Variants in ANKIB1 observed in about 807,000 individuals in gnomAD.
The protein encoded by ANKIB1 is ankyrin repeat and IBR domain-containing protein 1.
ANKIB1 carries 43 observed loss-of-function variants against 122.1 expected under a neutral mutation model. The observed-to-expected ratio is 0.35, with a 90% CI of 0.28 to 0.45. ANKIB1 has a LOEUF of 0.45. ANKIB1 is among the 20% of genes least tolerant of loss of function. ANKIB1 has a pLI of 1.00. For missense variants in ANKIB1, 992 were observed against 1,329.5 expected (o/e 0.75, Z 3.95); for synonymous variants, 390 against 442.0 (o/e 0.88, Z 1.48).
intron 17 of ANKIB1, among the ~76,000 whole-genome samples, chr7:92,392,763 T>C (rs1373985039): frequency 1.3e-5 from 2 of 152,126 alleles, no homozygotes; most frequent in Admixed American, 1.3e-4. Context: ...AATGCTTTGC[T>C]TAGTTGCTTT....
intron 1 of ANKIB1, among the ~76,000 whole-genome samples, chr7:92,289,892 C>G (rs1802211445): frequency 6.6e-6 from 1 of 152,242 alleles, no homozygotes; most frequent in African/African-American, 2.4e-5. Context: ...TCTCGGCTCA[C>G]TGCAACTTCC....
chr7:92,284,404 C>G (rs975922909), intron 1 of ANKIB1, among the ~76,000 whole-genome samples: 2 of 152,132 alleles, frequency 1.3e-5, no homozygotes, highest in African/African-American at 4.8e-5. Context: ...TCAGATTCAG[C>G]CTTTTTATCT....
chr7:92,249,048 C>T (rs781252411), intron 1 of ANKIB1, among the ~76,000 whole-genome samples: 5 of 151,916 alleles, frequency 3.3e-5, no homozygotes, highest in East Asian at 1.9e-4. Context: ...CCACCACACC[C>T]GGCTAATTTT....
intron 11 of ANKIB1, among the ~76,000 whole-genome samples, chr7:92,381,607 A>T (rs902217715): frequency 6.6e-6 from 1 of 152,208 alleles, no homozygotes; most frequent in Non-Finnish European, 1.5e-5. Flanking sequence ...AAAGAAAAGA[A>T]TTTTCAACCC....
intron 1 of ANKIB1, among the ~76,000 whole-genome samples, chr7:92,280,947 T>C (rs756642661): frequency 6.6e-6 from 1 of 152,168 alleles, no homozygotes; most frequent in Non-Finnish European, 1.5e-5. Flanking sequence ...TTTTCAGGTG[T>C]CCTCAAGACC....
chr7:92,384,016 A>C (rs1804578806), intron 11 of ANKIB1, among the ~76,000 whole-genome samples: 1 of 152,240 alleles, frequency 6.6e-6, no homozygotes, highest in Admixed American at 6.5e-5. Flanking sequence ...AAATCTGCTT[A>C]AGCTGATAGG....
chr7:92,351,950 A>C (rs920855556), intron 8 of ANKIB1, among the ~76,000 whole-genome samples: 2 of 151,674 alleles, frequency 1.3e-5, no homozygotes, highest in African/African-American at 4.8e-5. Flanking sequence ...CCAACTCCCA[A>C]CCTTAGGTGA....
intron 9 of ANKIB1, among the ~76,000 whole-genome samples, chr7:92,357,852 A>G (rs552956704): frequency 1.3e-5 from 2 of 152,252 alleles, no homozygotes; most frequent in Admixed American, 6.5e-5. Context: ...TAGATTGTCA[A>G]TTAGTATGTT....
intron 11 of ANKIB1, among the ~76,000 whole-genome samples, chr7:92,380,734 CA>C (rs1245513555): frequency 1.3e-5 from 2 of 152,142 alleles, no homozygotes; most frequent in Admixed American, 1.3e-4. Flanking sequence ...ACATCCACAC[CA>C]AAACCCCATC....
chr7:92,277,689 G>A (rs1426500265), intron 1 of ANKIB1, among the ~76,000 whole-genome samples: 4 of 152,158 alleles, frequency 2.6e-5, no homozygotes, highest in Admixed American at 2.0e-4. Context: ...GCTCATACCT[G>A]TAATCCCAGC....
At chr7:92,375,483 G>A (rs1185435370) in intron 11 of ANKIB1, among the ~76,000 whole-genome samples, 2 of 152,150 alleles carry the variant, frequency 1.3e-5, no homozygotes, top group Admixed American at 6.5e-5. Context: ...TCTGTCTCAA[G>A]AAACCAGTTT....
Position 92,307,405 on chromosome 7 carries a change from A to T in ANKIB1, c.235A>T (p.Asn79Tyr). 1 of 1,613,978 alleles carries T rather than the reference A, an allele frequency of 6.2e-7. No homozygotes were observed. Among genetic ancestry groups the T allele is most frequent in the Non-Finnish European group, 8.5e-7 (1 of 1,179,868 alleles). The change falls in exon 3 of 20, where the codon AAT becomes TAT. Residue 79 changes from asparagine to tyrosine, a missense_variant. Transcript: ENST00000265742. Reference sequence around the variant, plus strand: ...AAATCCAAATAAACGGAATGTGCACAATGAAACATCTATGCATTTGTTGTG... The same window carrying T: ...AAATCCAAATAAACGGAATGTGCACTATGAAACATCTATGCATTTGTTGTG... ...DGNPNKRNVH[N>Y]ETSMHLLCMG...
intron 11 of ANKIB1, among the ~76,000 whole-genome samples, chr7:92,379,575 A>G (rs2115669061): frequency 6.6e-6 from 1 of 152,292 alleles, no homozygotes. Flanking sequence ...ATAGACAAAG[A>G]TACGTGGGAA....
intron 4 of ANKIB1, among the ~76,000 whole-genome samples, chr7:92,320,601 C>G (rs766081097): frequency 1.1e-4 from 17 of 152,138 alleles, no homozygotes; most frequent in Non-Finnish European, 2.4e-4. Flanking sequence ...TCATCACATC[C>G]AAACAATTGG....
chr7:92,371,060 A>G (rs1156483468), intron 10 of ANKIB1, among the ~76,000 whole-genome samples: 1 of 152,148 alleles, frequency 6.6e-6, no homozygotes, highest in Middle Eastern at 3.2e-3. Flanking sequence ...TATGGTAAAG[A>G]GTTTCTGATC....
At chr7:92,314,467 G>T (rs1026601460) in intron 3 of ANKIB1, among the ~76,000 whole-genome samples, 1 of 152,180 alleles carries the variant, frequency 6.6e-6, no homozygotes, top group African/African-American at 2.4e-5. Flanking sequence ...GACTGGCATT[G>T]ACATCAGTCA....
chr7:92,343,624 G>A (rs770422252), intron 6 of ANKIB1, among the ~76,000 whole-genome samples: 2 of 152,046 alleles, frequency 1.3e-5, no homozygotes, highest in Non-Finnish European at 2.9e-5. Context: ...CTGAGCTCAG[G>A]AGTTCAAGAC....
chr7:92,330,647 C>G lies in ANKIB1; in HGVS notation c.787+2747C>G, dbSNP rs1015173874. ...CATGAGGTCAGGAGATCGAGACTATCCTGGCTAACATGCTGAAACCCCGTC... is the reference window on the plus strand; with the variant it reads ...CATGAGGTCAGGAGATCGAGACTATGCTGGCTAACATGCTGAAACCCCGTC... On this transcript the variant is annotated intron_variant, in intron 5 of 19. Coordinates refer to ENST00000265742, the MANE Select transcript of ANKIB1 (RefSeq NM_019004.2). Among the ~76,000 whole-genome samples, 5 of 152,006 alleles carry G rather than the reference C, an allele frequency of 3.3e-5. 1 individual carries two copies. The highest frequency in any genetic ancestry group is 1.3e-4 in the Admixed American group (2 of 15,256).
chr7:92,280,446 G>A lies in ANKIB1; in HGVS notation c.-90-14443G>A, dbSNP rs560782711. Among the ~76,000 whole-genome samples, 47 of 143,766 alleles carry A rather than the reference G, an allele frequency of 3.3e-4. 1 individual carries two copies. In the South Asian group the frequency reaches 8.3e-3, roughly 25 times the overall value. 94.3% of individuals were successfully genotyped at this position (143,766 alleles called of 152,430 possible). ...CAGCTAGGCTTAAGAAACGTTTGGA[G>A]GGCACCCCCCCCCCCTTTTTTTCCT... On this transcript the variant is annotated intron_variant, in intron 1 of 19. Coordinates refer to ENST00000265742, the MANE Select transcript of ANKIB1 (RefSeq NM_019004.2).
Sources: gnomAD v4.1 joint callset for allele counts (sites outside exome capture counted in the v4.1 genomes callset) on GRCh38, gnomAD v4.1.1 for gene constraint, MANE v1.5 for transcripts, NCBI Gene and HGNC (gene_info 2026-07-23, HGNC 2026-07-21) for gene names.